The following AMBRA1 variants were observed in gnomAD, a reference collection of about 807,000 sequenced individuals.
AMBRA1 encodes activating molecule in BECN1-regulated autophagy protein 1.
AMBRA1 carries 47 observed loss-of-function variants against 125.4 expected under a neutral mutation model. That is an observed-to-expected ratio of 0.37 (90% confidence interval 0.30 to 0.48). AMBRA1 has a LOEUF of 0.48. AMBRA1 is among the 20% of genes least tolerant of loss of function. The probability of loss-of-function intolerance (pLI) is 0.99; values close to 1 mark genes in which losing one functional copy is unlikely to be tolerated. For synonymous variants in AMBRA1, 626 were observed against 655.5 expected, an observed-to-expected ratio of 0.95 and a Z score of 0.69; for missense variants, 1,331 against 1,693.4, an observed-to-expected ratio of 0.79 and a Z score of 3.76.
In AMBRA1 at chr11:46,547,254, A is replaced by C; in HGVS notation, c.237T>G (p.Ile79Met). ...ASTHVNHNIYITEVKTGKCVH... is the reference protein window; with the variant it reads ...ASTHVNHNIYMTEVKTGKCVH... Reference sequence around the variant, plus strand: ...CACACTTGCCAGTCTTCACCTCCGTAATATAGATATTATGGTTCACATGGG... The same window carrying C: ...CACACTTGCCAGTCTTCACCTCCGTCATATAGATATTATGGTTCACATGGG... Residue 79 changes from isoleucine (I) to methionine (M), a missense_variant, in exon 4 of 18, where the codon ATT becomes ATG. By Grantham distance (10) the Ile-to-Met change is conservative (BLOSUM62 1). Transcript: ENST00000683756. The C allele has an allele frequency of 6.2e-7, 1 of 1,613,890 alleles. No homozygotes were observed. The highest frequency in any genetic ancestry group is 8.5e-7 in the Non-Finnish European group (1 of 1,179,976).
intron 11 of AMBRA1, among the ~76,000 whole-genome samples, chr11:46,472,249 C>A (rs899071615): frequency 6.6e-6 from 1 of 152,176 alleles, no homozygotes; most frequent in Admixed American, 6.5e-5. Context: ...TTTGGCAACT[C>A]CTTTTATTAA....
intron 7 of AMBRA1, among the ~76,000 whole-genome samples, chr11:46,540,375 C>A (rs1345753500): frequency 6.6e-6 from 1 of 152,152 alleles, no homozygotes; most frequent in African/African-American, 2.4e-5. Context: ...GTGTTGACTG[C>A]CTTCTCACCA....
intron 1 of AMBRA1, among the ~76,000 whole-genome samples, chr11:46,579,614 A>C (rs2044101364): frequency 6.6e-6 from 1 of 152,216 alleles, no homozygotes; most frequent in Admixed American, 6.6e-5. Flanking sequence ...CAAGATACCA[A>C]GCTAAGCAGC....
intron 7 of AMBRA1, chr11:46,518,000 G>A (rs1951580070): frequency 2.2e-6 from 1 of 458,804 alleles, no homozygotes; most frequent in Non-Finnish European, 2.9e-6. Flanking sequence ...GGGAATGTGG[G>A]TAAAGGGTAT....
intron 3 of AMBRA1, 193 bp from the exon 4 acceptor site, chr11:46,547,489 G>A: frequency 1.7e-6 from 1 of 585,894 alleles, no homozygotes; most frequent in East Asian, 2.8e-5. Context: ...TGTCCACACT[G>A]TCCCCAAATG....
In AMBRA1 at chr11:46,410,306, T is replaced by A; in HGVS notation, c.3179A>T (p.His1060Leu). 1 of 1,613,940 alleles carries A rather than the reference T, an allele frequency of 6.2e-7. No individual in the cohort carries two copies. Among genetic ancestry groups the A allele is most frequent in the Non-Finnish European group, 8.5e-7 (1 of 1,179,884 alleles). The change falls in exon 16 of 18, where the codon CAT (histidine) becomes CTT (leucine). Residue 1060 changes from histidine (H) to leucine (L), a missense_variant. His to Leu is a moderately conservative substitution (Grantham distance 99). Transcript: ENST00000683756. ...DQLNETVFTV[H>L]SNSRSSERPG... ...CCGCTCGCTGCTCCTGCTGTTGGAA[T>A]GGACAGTGAAGACCGTCTCGTTCAG...
intron 14 of AMBRA1, among the ~76,000 whole-genome samples, chr11:46,432,609 G>T (rs1179517392): frequency 1.3e-5 from 2 of 152,084 alleles, no homozygotes; most frequent in African/African-American, 4.8e-5. Flanking sequence ...GGGACCTGAG[G>T]GATATCCCTC....
rs1344631569 is a variant in AMBRA1 at position 46,542,467 on chromosome 11, T to A, written c.1550A>T (p.Asp517Val). The A allele has an allele frequency of 6.2e-7, 1 of 1,613,926 alleles. No homozygotes were observed. Among genetic ancestry groups the A allele is most frequent in the Non-Finnish European group, 8.5e-7 (1 of 1,180,006 alleles). ...GGGAGCTTCCCCACTCAGGCTCTGA[T>A]CCAGCTCCTGAAGCCGGTCATACTC... is the stretch of plus-strand genomic sequence containing the variant. Reference protein sequence around the residue: ...FLEYDRLQELDQSLSGEAPQT... With the variant: ...FLEYDRLQELVQSLSGEAPQT... Residue 517 changes from aspartate to valine, a missense_variant, in exon 7 of 18, where the codon GAT (aspartate) becomes GTT (valine). Asp to Val is a radical substitution (Grantham distance 152, BLOSUM62 -3). Around this residue, in one of 4 missense-constraint regions of AMBRA1, gnomAD observed 689 missense variants for 776.5 expected, o/e 0.89. Coordinates refer to ENST00000683756, the MANE Select transcript of AMBRA1 (RefSeq NM_001387011.1). The surrounding 1 kb of genome is among the most constrained non-coding windows in gnomAD (Gnocchi z 5.9).
chr11:46,582,130 AT>A (rs1342041721), intron 1 of AMBRA1, among the ~76,000 whole-genome samples: 19 of 151,266 alleles, frequency 1.3e-4, no homozygotes, highest in African/African-American at 3.4e-4. Context: ...AAAAAAAAAA[AT>A]TCGAAAGCCT....
chr11:46,430,915 CTGT>C (rs1947428116), intron 14 of AMBRA1, among the ~76,000 whole-genome samples: 2 of 152,236 alleles, frequency 1.3e-5, no homozygotes, highest in Non-Finnish European at 2.9e-5. Context: ...AGATGCTGTA[CTGT>C]CCCATTAAAC....
chr11:46,561,803 T>C (rs550198658), intron 1 of AMBRA1, among the ~76,000 whole-genome samples: 36 of 152,272 alleles, frequency 2.4e-4, no homozygotes, highest in African/African-American at 8.2e-4. Flanking sequence ...TCACATTTCT[T>C]AGCCAATCAA....
At chr11:46,480,137 T>C (rs567667310) in intron 11 of AMBRA1, among the ~76,000 whole-genome samples, 1 of 152,314 alleles carries the variant, frequency 6.6e-6, no homozygotes, top group Admixed American at 6.5e-5. Context: ...TAATAGCTCA[T>C]GTAATCAGAT....
intron 11 of AMBRA1, among the ~76,000 whole-genome samples, chr11:46,445,028 C>T (rs900512819): frequency 2.1e-5 from 3 of 142,414 alleles, no homozygotes; most frequent in African/African-American, 7.8e-5. Context: ...ATATCATCCC[C>T]ATGGGGGTAA....
intron 13 of AMBRA1, among the ~76,000 whole-genome samples, chr11:46,434,051 G>A (rs1565154265): frequency 1.4e-5 from 2 of 143,694 alleles, no homozygotes; most frequent in African/African-American, 5.2e-5. Context: ...GGAGGTAGAG[G>A]TTGCGGTAAG....
At position 46,544,123 on chromosome 11, in the gene AMBRA1, T is replaced by C; in HGVS notation, c.552-82A>G. The C allele has an allele frequency of 4.5e-6, 5 of 1,115,688 alleles. 1 individual carries two copies. Among genetic ancestry groups the C allele is most frequent in the Non-Finnish European group, 5.4e-6 (4 of 743,674 alleles). The allele number at this position is 1,115,688 out of a possible 1,614,324, so 69.1% of individuals were successfully genotyped here. ...AAGAGGAAACTTGTGTTTGAATTTA[T>C]AGCAATCATTACTGATAACTGGTAT... On this transcript the variant is annotated intron_variant, in intron 5 of 17. Coordinates refer to ENST00000683756, the MANE Select transcript of AMBRA1 (RefSeq NM_001387011.1).
chr11:46,425,335 T>G (rs1947074183), intron 14 of AMBRA1, among the ~76,000 whole-genome samples: 1 of 151,704 alleles, frequency 6.6e-6, no homozygotes, highest in African/African-American at 2.4e-5. Flanking sequence ...TGTGTGTGTG[T>G]GTGTGTGTGT....
intron 1 of AMBRA1, among the ~76,000 whole-genome samples, chr11:46,587,533 T>A (rs976556593): frequency 3.3e-5 from 5 of 152,162 alleles, no homozygotes; most frequent in Admixed American, 3.3e-4. Context: ...GACTGAAGAC[T>A]TAGATGGCAG....
chr11:46,568,184 G>A (rs761045683), intron 1 of AMBRA1, among the ~76,000 whole-genome samples: 14 of 151,020 alleles, frequency 9.3e-5, no homozygotes, highest in East Asian at 1.9e-4. Context: ...GCTGGATGCC[G>A]CAGTGGCACA....
chr11:46,541,985 C>T lies in AMBRA1; in HGVS notation c.2032G>A (p.Asp678Asn). 6.2e-7 allele frequency: 1 copy of T among 1,613,980 alleles called. No homozygotes were observed. The highest frequency in any genetic ancestry group is 8.5e-7 in the Non-Finnish European group (1 of 1,179,966). The change falls in exon 7 of 18, where the codon GAT becomes AAT. Residue 678 changes from aspartate (D) to asparagine (N), a missense_variant. Asp to Asn is a conservative substitution (Grantham distance 23). This residue lies in a region of AMBRA1 where 689 missense variants were observed against 776.5 expected (regional missense o/e 0.89). Transcript: ENST00000683756. ...TCCTCAGAGCTCTCCTCAGGCATATCCTGATGTAAGGCCTCCTGTGACACA... is the reference window on the plus strand; with the variant it reads ...TCCTCAGAGCTCTCCTCAGGCATATTCTGATGTAAGGCCTCCTGTGACACA... ...GTVSQEALHQ[D>N]MPEESSEEDS... is the part of the protein sequence containing the mutation.
Sources: allele counts gnomAD v4.1 joint callset (sites outside exome capture counted in the v4.1 genomes callset), GRCh38; gene constraint gnomAD v4.1.1; regional missense constraint gnomAD v4.1.1; non-coding constraint Gnocchi (gnomAD v3.1); transcripts MANE v1.5; gene names NCBI Gene and HGNC (gene_info 2026-07-23, HGNC 2026-07-21).